The following DGKB variants were observed in gnomAD, a reference collection of about 807,000 sequenced individuals.
DGKB encodes the protein diacylglycerol kinase beta.
In DGKB, 67 loss-of-function variants were observed where a neutral mutation model predicts 114.3. The observed-to-expected ratio is 0.59, with a 90% confidence interval of 0.48 to 0.72. The LOEUF (loss-of-function observed/expected upper bound fraction) is 0.72. DGKB is among the 30% of genes least tolerant of loss of function. The pLI, the probability that DGKB is intolerant of heterozygous loss-of-function variation, is 0.00. For synonymous variants in DGKB, 398 were observed against 323.1 expected (o/e 1.23, Z -2.49); for missense variants, 907 against 975.2 (o/e 0.93, Z 0.93).
intron 6 of DGKB, 137 bp from the exon 7 acceptor site, chr7:14,701,867 G>A: frequency 8.3e-6 from 5 of 599,710 alleles, no homozygotes; most frequent in East Asian, 2.9e-5. Context: ...TTAATTTGTG[G>A]GATTATTTCT....
intron 21 of DGKB, among the ~76,000 whole-genome samples, chr7:14,372,584 C>T (rs1817837557): frequency 6.6e-6 from 1 of 151,942 alleles, no homozygotes; most frequent in East Asian, 1.9e-4. Flanking sequence ...CTGCTACTTG[C>T]TTTTTGATAT....
At chr7:14,894,231 A>C (rs149746897) in intron 1 of DGKB, among the ~76,000 whole-genome samples, 28 of 151,576 alleles carry the variant, frequency 1.8e-4, no homozygotes, top group African/African-American at 6.0e-4. Context: ...TAAATAAGGA[A>C]GATGTCTTTC....
chr7:14,345,083 T>C (rs370973319), intron 22 of DGKB, among the ~76,000 whole-genome samples: 99 of 151,852 alleles, frequency 6.5e-4, no homozygotes, highest in African/African-American at 2.3e-3. Context: ...TCTCATTCTT[T>C]TATACTATAA....
intron 4 of DGKB, among the ~76,000 whole-genome samples, chr7:14,751,236 C>A (rs545156648): frequency 1.5e-3 from 230 of 152,250 alleles, no homozygotes; most frequent in African/African-American, 5.2e-3. Flanking sequence ...ACAAAAAGAT[C>A]ACCTAAAAAC....
At chr7:14,457,805 G>A (rs534669166) in intron 21 of DGKB, among the ~76,000 whole-genome samples, 2 of 152,186 alleles carry the variant, frequency 1.3e-5, no homozygotes, top group Non-Finnish European at 2.9e-5. Context: ...TCTCAAGTAT[G>A]CCGGCTGACA....
intron 1 of DGKB, among the ~76,000 whole-genome samples, chr7:14,893,757 C>A (rs577040664): frequency 2.0e-5 from 3 of 151,396 alleles, no homozygotes; most frequent in African/African-American, 7.2e-5. Context: ...AATTTCTATT[C>A]TTCCCTCAAG....
intron 21 of DGKB, among the ~76,000 whole-genome samples, chr7:14,449,086 G>T (rs1195407738): frequency 1.3e-5 from 2 of 152,010 alleles, no homozygotes; most frequent in African/African-American, 4.8e-5. Context: ...ATTTCTCAAA[G>T]AATCTATGTC....
chr7:14,311,435 T>C (rs1184880465), intron 23 of DGKB, among the ~76,000 whole-genome samples: 3 of 152,162 alleles, frequency 2.0e-5, no homozygotes, highest in Non-Finnish European at 4.4e-5. Flanking sequence ...CATCATTTTT[T>C]TTTTTAGACA....
intron 1 of DGKB, among the ~76,000 whole-genome samples, chr7:14,946,074 A>G (rs1785859204): frequency 6.6e-6 from 1 of 151,302 alleles, no homozygotes; most frequent in Non-Finnish European, 1.5e-5. Flanking sequence ...AATAGATAAA[A>G]TATTATTAAT....
intron 23 of DGKB, among the ~76,000 whole-genome samples, chr7:14,222,846 A>T (rs1447614752): frequency 6.6e-6 from 1 of 151,492 alleles, no homozygotes; most frequent in Non-Finnish European, 1.5e-5. Context: ...TAGGGTATAT[A>T]TGTTTACAAT....
At chr7:14,217,459 A>G (rs1307128929) in intron 23 of DGKB, among the ~76,000 whole-genome samples, 1 of 152,114 alleles carries the variant, frequency 6.6e-6, no homozygotes, top group African/African-American at 2.4e-5. Flanking sequence ...GAAAAAAATC[A>G]TCACAAATCA....
chr7:14,704,472 G>T (rs1050720821), intron 6 of DGKB, among the ~76,000 whole-genome samples: 1 of 147,720 alleles, frequency 6.8e-6, no homozygotes, highest in African/African-American at 2.5e-5. Flanking sequence ...AAAGAAAAAA[G>T]AAAAAAAGGG....
chr7:14,544,963 C>A (rs1478932363), intron 20 of DGKB, among the ~76,000 whole-genome samples: 2 of 151,900 alleles, frequency 1.3e-5, no homozygotes, highest in Non-Finnish European at 2.9e-5. Context: ...CTGTCAGATG[C>A]TTCTTCACGT....
At chr7:14,411,284 G>T (rs1727271947) in intron 21 of DGKB, among the ~76,000 whole-genome samples, 1 of 152,256 alleles carries the variant, frequency 6.6e-6, no homozygotes, top group Admixed American at 6.5e-5. Context: ...TAAGTGCACT[G>T]TTTATTTATT....
intron 21 of DGKB, among the ~76,000 whole-genome samples, chr7:14,425,858 C>G (rs1043049809): frequency 5.3e-5 from 8 of 152,120 alleles, no homozygotes; most frequent in African/African-American, 1.9e-4. Flanking sequence ...TATTTTAGAT[C>G]ACTTTAAGTC....
intron 23 of DGKB, among the ~76,000 whole-genome samples, chr7:14,257,641 C>A (rs184169745): frequency 6.6e-6 from 1 of 152,122 alleles, no homozygotes; most frequent in African/African-American, 2.4e-5. Flanking sequence ...CTTTCCTGCA[C>A]CCCTGTGAAG....
intron 13 of DGKB, among the ~76,000 whole-genome samples, chr7:14,639,966 G>A (rs1381513155): frequency 6.6e-6 from 1 of 152,016 alleles, no homozygotes; most frequent in African/African-American, 2.4e-5. Flanking sequence ...GACACAGTGG[G>A]TGTTATCTAC....
chr7:14,169,373 A>T (rs1180927940), intron 25 of DGKB, among the ~76,000 whole-genome samples: 1 of 151,706 alleles, frequency 6.6e-6, no homozygotes, highest in Non-Finnish European at 1.5e-5. Flanking sequence ...TCAAAAAAAA[A>T]AAAAAAAAAA....
chr7:14,662,413 G>T (rs1222578336), intron 13 of DGKB, among the ~76,000 whole-genome samples: 2 of 151,768 alleles, frequency 1.3e-5, no homozygotes, highest in African/African-American at 2.4e-5. Context: ...AGTACAGAAA[G>T]AATTAAACAA....
Sources: allele counts gnomAD v4.1 joint callset (sites outside exome capture counted in the v4.1 genomes callset), GRCh38; gene constraint gnomAD v4.1.1; transcripts MANE v1.5; gene names NCBI Gene and HGNC (gene_info 2026-07-23, HGNC 2026-07-21).